The following ZFYVE16 variants were observed in gnomAD, a reference collection of about 807,000 sequenced individuals.
ZFYVE16 encodes zinc finger FYVE domain-containing protein 16.
Under a neutral mutation model 138.1 loss-of-function variants are expected in ZFYVE16, and 89 were observed. The observed-to-expected ratio is 0.64, with a 90% CI of 0.54 to 0.77. ZFYVE16 has a LOEUF of 0.77. Ranked by LOEUF, ZFYVE16 falls within the 30% of genes least tolerant of loss-of-function variation. The pLI is 0.00. For missense variants in ZFYVE16, 1,793 were observed against 1,786.7 expected, an observed-to-expected ratio of 1.00 and a Z score of -0.06; for synonymous variants, 596 against 618.3, an observed-to-expected ratio of 0.96 and a Z score of 0.53.
intron 15 of ZFYVE16, among the ~76,000 whole-genome samples, chr5:80,468,246 A>G (rs1753939478): frequency 6.6e-6 from 1 of 152,248 alleles, no homozygotes; most frequent in Non-Finnish European, 1.5e-5. Context: ...TCCTATTCAT[A>G]TAGTACACCC....
chr5:80,419,722 C>T (rs1478498283), intron 1 of ZFYVE16, among the ~76,000 whole-genome samples: 1 of 151,858 alleles, frequency 6.6e-6, no homozygotes, highest in Non-Finnish European at 1.5e-5. Flanking sequence ...TTTCTTGAGG[C>T]CTACAGAGTA....
At chr5:80,427,978 A>AAAAG (rs1337037085) in intron 2 of ZFYVE16, among the ~76,000 whole-genome samples, 1 of 149,294 alleles carries the variant, frequency 6.7e-6, no homozygotes, top group Non-Finnish European at 1.5e-5. Context: ...TCTCAAAAAA[A>AAAAG]AAAAAAAAAA....
At position 80,481,394 on chromosome 5, in the gene ZFYVE16, TATGTGTGA is replaced by T. The variant is rs1755265147; in HGVS notation, c.*4019_*4026del. Among the ~76,000 whole-genome samples the T allele has an allele frequency of 1.3e-5, 2 of 152,074 alleles. No individual in the cohort carries two copies. The highest frequency in any genetic ancestry group is 2.1e-4 in the South Asian group (1 of 4,826). On this transcript the variant is annotated 3_prime_UTR_variant, in exon 19 of 19. Coordinates refer to ENST00000505560, the MANE Select transcript of ZFYVE16 (RefSeq NM_001284236.3). ...TCCTGGGATCATCTCACAAGCTGTG[TATGTGTGA>T]AACTAACCAGAAGCAGCTGAGCAAA...
chr5:80,465,601 G>T lies in ZFYVE16; in HGVS notation c.4024+6107G>T, dbSNP rs971280741. On this transcript the variant is annotated intron_variant, in intron 15 of 18. Transcript: ENST00000505560. The stretch of plus-strand genomic sequence containing the variant: ...TTTTTCTATTTTTTGTAGAGACAGG[G>T]TCTCACTGTGTTGCCCAGGCTGGTC... Among the ~76,000 whole-genome samples, 4 of 151,420 alleles carry T rather than the reference G, an allele frequency of 2.6e-5. No homozygotes were observed. The East Asian group carries it at 7.8e-4, about 29-fold the overall frequency.
rs878937590 is a variant in ZFYVE16, at chr5:80,474,572, C to T, written c.4294-91C>T. Reference sequence around the variant, plus strand: ...CAACTAATGCTTTTCATGGTACTTACATTGGAATTTAATTAAACTTGAAAG... The same window carrying T: ...CAACTAATGCTTTTCATGGTACTTATATTGGAATTTAATTAAACTTGAAAG... On this transcript the variant is annotated intron_variant, in intron 17 of 18. Coordinates refer to ENST00000505560, the MANE Select transcript of ZFYVE16 (RefSeq NM_001284236.3). 6.3e-6 allele frequency: 8 copies of T among 1,272,528 alleles called. No individual in the cohort carries two copies. The South Asian group carries it at 1.0e-4, about 16-fold the overall frequency. The allele number at this position is 1,272,528 out of a possible 1,614,324, so 78.8% of individuals were successfully genotyped here. A position where few individuals can be genotyped will look rare whatever the true frequency, so the allele number is the denominator to read the frequency against.
chr5:80,419,803 T>A (rs965068250), intron 1 of ZFYVE16, among the ~76,000 whole-genome samples: 1 of 146,338 alleles, frequency 6.8e-6, no homozygotes, highest in Non-Finnish European at 1.5e-5. Context: ...ATGTCTTTGG[T>A]TTTTTTTTGT....
chr5:80,434,018 A>G, intron 2 of ZFYVE16, 91 bp from the exon 3 acceptor site: 1 of 844,134 alleles, frequency 1.2e-6, no homozygotes, highest in Non-Finnish European at 1.8e-6. Context: ...TTTCTGTGTC[A>G]ATTTCTTGAC....
chr5:80,461,781 G>A (rs1753143607), intron 15 of ZFYVE16, among the ~76,000 whole-genome samples: 1 of 152,078 alleles, frequency 6.6e-6, no homozygotes, highest in Admixed American at 6.6e-5. Context: ...TTTGAGCCTG[G>A]CCAACATGGT....
chr5:80,444,470 T>TA (rs1348090890), intron 6 of ZFYVE16, among the ~76,000 whole-genome samples: 1 of 151,046 alleles, frequency 6.6e-6, no homozygotes, highest in Non-Finnish European at 1.5e-5. Flanking sequence ...TAAAGTATTC[T>TA]AAAATCATCT....
chr5:80,426,230 ATGTGTGTGTGTC>A (rs1370279376), intron 1 of ZFYVE16, among the ~76,000 whole-genome samples: 13 of 87,558 alleles, frequency 1.5e-4, no homozygotes, highest in Admixed American at 4.6e-4. Context: ...GTGTGTGTGT[ATGTGTGTGTGTC>A]TGTGTGTGTG....
intron 2 of ZFYVE16, among the ~76,000 whole-genome samples, chr5:80,430,077 C>T (rs1485649852): frequency 1.3e-5 from 2 of 152,196 alleles, no homozygotes; most frequent in African/African-American, 4.8e-5. Flanking sequence ...CTCAGCTCTG[C>T]ACCAAGCGGA....
rs777135529 is a variant in ZFYVE16 at position 80,437,552 on chromosome 5, C to G, written c.867C>G (p.Ala289=). 1.2e-6 allele frequency: 2 copies of G among 1,613,932 alleles called. No individual in the cohort carries two copies. Among genetic ancestry groups the G allele is most frequent in the Non-Finnish European group, 1.7e-6 (2 of 1,179,966 alleles). ...KEEVDVAVIT[A]AECLKEEGKT... ...AAGTAGATGTGGCAGTCATAACTGC[C>G]GCAGAATGTTTAAAAGAAGAGGGCA... Residue 289 remains alanine (A), a synonymous_variant, in exon 4 of 19, where the codon GCC becomes GCG. Transcript: ENST00000505560.
At chr5:80,408,569 C>T (rs970057644) in intron 1 of ZFYVE16, among the ~76,000 whole-genome samples, 1 of 152,220 alleles carries the variant, frequency 6.6e-6, no homozygotes, top group African/African-American at 2.4e-5. Context: ...GTGGCAGAGG[C>T]TCGGTCCCCG....
chr5:80,474,522 T>TC (rs972680404), intron 17 of ZFYVE16, 141 bp from the exon 18 acceptor site: 1 of 856,806 alleles, frequency 1.2e-6, no homozygotes, highest in Non-Finnish European at 1.8e-6. Flanking sequence ...ATAGTACAGA[T>TC]CAAGCTATCG....
chr5:80,423,759 C>T lies in ZFYVE16; in HGVS notation c.-93-3733C>T, dbSNP rs184822596. ...TTCACCTTGTTAGCCAGAATGGTGT[C>T]GATCTCCTGACCTTGTGATCCGCCC... On this transcript the variant is annotated intron_variant, in intron 1 of 18. Transcript: ENST00000505560. 3.0e-3 allele frequency among the ~76,000 whole-genome samples: 460 copies of T among 151,608 alleles called. 2 individuals carry two copies. The highest frequency in any genetic ancestry group is 0.011 in the African/African-American group (440 of 41,312).
In ZFYVE16 at chr5:80,429,751, A is replaced by G. The variant is rs562006937; in HGVS notation, c.-40+2206A>G. 3.9e-3 allele frequency among the ~76,000 whole-genome samples: 594 copies of G among 152,334 alleles called. 4 individuals are homozygous for G. Among genetic ancestry groups the G allele is most frequent in the Admixed American group, 9.0e-3 (138 of 15,290 alleles). On this transcript the variant is annotated intron_variant, in intron 2 of 18. Coordinates refer to ENST00000505560, the MANE Select transcript of ZFYVE16 (RefSeq NM_001284236.3). ...ACATAGGCTCAAAATAAAGGGATGG[A>G]AAAAGATATACCAAACACATAAAAA...
At chr5:80,431,258 T>C (rs1166251582) in intron 2 of ZFYVE16, among the ~76,000 whole-genome samples, 1 of 152,164 alleles carries the variant, frequency 6.6e-6, no homozygotes, top group Non-Finnish European at 1.5e-5. Flanking sequence ...GTGGGCTTCA[T>C]CTCTGGGATG....
intron 15 of ZFYVE16, among the ~76,000 whole-genome samples, chr5:80,465,518 A>G (rs1237520264): frequency 1.4e-5 from 2 of 143,720 alleles, no homozygotes; most frequent in African/African-American, 2.6e-5. Flanking sequence ...CGACCCTCCC[A>G]TCTCAGCCTC....
chr5:80,439,503 C>T (rs1412155604), intron 4 of ZFYVE16, among the ~76,000 whole-genome samples: 1 of 152,102 alleles, frequency 6.6e-6, no homozygotes, highest in Admixed American at 6.5e-5. Context: ...TCTATAAATT[C>T]TAAGGGTTGC....
Sources: allele counts gnomAD v4.1 joint callset (sites outside exome capture counted in the v4.1 genomes callset), GRCh38; gene constraint gnomAD v4.1.1; transcripts MANE v1.5; gene names NCBI Gene and HGNC (gene_info 2026-07-23, HGNC 2026-07-21).